Variants in ANO4 observed in about 807,000 individuals in gnomAD.
ANO4 encodes anoctamin 4.
A neutral mutation model predicts 141.9 loss-of-function variants in ANO4; 69 were observed. The ratio of observed to expected loss-of-function variants is 0.49; its 90% CI spans 0.40 to 0.59. ANO4 has a LOEUF of 0.59. ANO4 is among the 20% of genes least tolerant of loss of function. The pLI is 0.00. For missense variants in ANO4, 894 were observed against 1,162.2 expected, an observed-to-expected ratio of 0.77 and a Z score of 3.36; for synonymous variants, 350 against 394.3, an observed-to-expected ratio of 0.89 and a Z score of 1.33.
chr12:100,899,181 G>T (rs1157377876), intron 1 of ANO4, among the ~76,000 whole-genome samples: 1 of 152,206 alleles, frequency 6.6e-6, no homozygotes, highest in African/African-American at 2.4e-5. Flanking sequence ...CAGCCTGACA[G>T]TCCTAACCTG....
At chr12:101,068,465 T>C (rs878972518) in intron 14 of ANO4, 8 of 933,882 alleles carry the variant, frequency 8.6e-6, no homozygotes, top group Admixed American at 1.7e-5. Context: ...CTTTCTTTAG[T>C]GGCTTTCTTC....
intron 1 of ANO4, among the ~76,000 whole-genome samples, chr12:100,860,121 A>G (rs2038393815): frequency 6.6e-6 from 1 of 152,138 alleles, no homozygotes; most frequent in Non-Finnish European, 1.5e-5. Context: ...TTAAAGCCTT[A>G]CTTAAGGAAG....
intron 25 of ANO4, 124 bp downstream of exon 25, chr12:101,116,922 A>G: frequency 2.3e-6 from 3 of 1,282,168 alleles, no homozygotes; most frequent in East Asian, 2.4e-5. Flanking sequence ...TCAACAGTGC[A>G]TTAAAAGCAC....
chr12:101,034,353 C>G (rs1411608448), intron 9 of ANO4, among the ~76,000 whole-genome samples: 1 of 152,130 alleles, frequency 6.6e-6, no homozygotes, highest in African/African-American at 2.4e-5. Context: ...ATGTATGAAG[C>G]TGGATACCAT....
chr12:100,718,376 C>G (rs1319081231), intron 1 of ANO4, among the ~76,000 whole-genome samples: 1 of 152,208 alleles, frequency 6.6e-6, no homozygotes, highest in Admixed American at 6.5e-5. Context: ...ACCTCCCTCC[C>G]TTCCTCTTGC....
chr12:100,990,612 A>G (rs1010859133), intron 8 of ANO4, among the ~76,000 whole-genome samples: 1 of 152,208 alleles, frequency 6.6e-6, no homozygotes, highest in African/African-American at 2.4e-5. Context: ...TACAGAGGGT[A>G]TAAAGATAAA....
At chr12:100,883,755 T>C (rs78312928) in intron 1 of ANO4, among the ~76,000 whole-genome samples, 1,970 of 152,316 alleles carry the variant, frequency 0.013, 22 homozygotes, top group Middle Eastern at 0.034. Flanking sequence ...CTTTCAGCAG[T>C]AGGAAGCAAT....
intron 2 of ANO4, among the ~76,000 whole-genome samples, chr12:100,920,983 T>A (rs886575799): frequency 6.6e-6 from 1 of 152,130 alleles, no homozygotes; most frequent in Non-Finnish European, 1.5e-5. Flanking sequence ...AGGAGGAAAC[T>A]AAAATTTAGA....
chr12:100,880,416 G>A (rs934769128), intron 1 of ANO4, among the ~76,000 whole-genome samples: 49 of 152,158 alleles, frequency 3.2e-4, no homozygotes, highest in Non-Finnish European at 5.6e-4. Context: ...GACAGATGAG[G>A]AGATTGAAGC....
rs535734069 is a variant in ANO4, at chr12:100,726,960, A to ACC, written c.23-6807_23-6806dup. Among the ~76,000 whole-genome samples, 1,199 of 141,718 alleles carry ACC rather than the reference A, an allele frequency of 8.5e-3. 6 individuals carry two copies. The highest frequency in any genetic ancestry group is 0.013 in the African/African-American group (483 of 38,420). 93.0% of individuals were successfully genotyped at this position (141,718 alleles called of 152,430 possible). ...AATAATATTTAATAGTTGCCCCGGG[A>ACC]CCCCCCCCGCCCATTCCCTAAAAAG... On this transcript the variant is annotated intron_variant, in intron 1 of 29. Transcript: ENST00000644049.
At position 101,085,764 on chromosome 12, in the gene ANO4, G is replaced by A. The variant is rs75224366; in HGVS notation, c.1537-896G>A. Among the ~76,000 whole-genome samples the A allele has an allele frequency of 6.0e-3, 908 of 152,254 alleles. 5 individuals carry two copies. The highest frequency in any genetic ancestry group is 0.019 in the African/African-American group (783 of 41,566). ...GATTAACAAGATATGTACCTATCAC[G>A]TAGTTGGTTCACTCAACAGCAAATA... On this transcript the variant is annotated intron_variant, in intron 16 of 27. Transcript: ENST00000392977.
At chr12:101,080,999 A>C (rs984109732) in intron 15 of ANO4, among the ~76,000 whole-genome samples, 7 of 131,872 alleles carry the variant, frequency 5.3e-5, no homozygotes, top group African/African-American at 2.0e-4. Context: ...TAGAAAAAAA[A>C]TATACATATA....
chr12:100,849,171 G>C (rs2037738254), intron 1 of ANO4, among the ~76,000 whole-genome samples: 1 of 152,082 alleles, frequency 6.6e-6, no homozygotes. Flanking sequence ...TTCTGAGCTG[G>C]AAAACATTTG....
chr12:101,101,303 G>T (rs1463747933), intron 22 of ANO4, among the ~76,000 whole-genome samples: 1 of 152,008 alleles, frequency 6.6e-6, no homozygotes, highest in African/African-American at 2.4e-5. Context: ...TTTGTAGTTG[G>T]CTTGTTTCAT....
intron 3 of ANO4, among the ~76,000 whole-genome samples, chr12:100,934,697 A>G (rs1456318632): frequency 6.6e-6 from 1 of 152,116 alleles, no homozygotes; most frequent in Admixed American, 6.5e-5. Flanking sequence ...GGCCATTTTC[A>G]TGATATTGAC....
At chr12:100,844,765 G>T (rs941651324) in intron 1 of ANO4, among the ~76,000 whole-genome samples, 1 of 94,250 alleles carries the variant, frequency 1.1e-5, no homozygotes, top group Non-Finnish European at 2.4e-5. Context: ...CCACGTGGAG[G>T]TATAAAATAG....
Position 100,724,758 on chromosome 12 carries a change from G to A in ANO4, c.22+7211G>A, listed in dbSNP as rs80211651. 7.1e-3 allele frequency among the ~76,000 whole-genome samples: 1,085 copies of A among 152,264 alleles called. 19 individuals are homozygous for A. Among genetic ancestry groups the A allele is most frequent in the African/African-American group, 0.025 (1,051 of 41,522 alleles). ...CAGTCACAACAAAAAGAAAGTCCAG[G>A]CCCAGGGAGGTTAGGTGAGGAGATA... On this transcript the variant is annotated intron_variant, in intron 1 of 29. Transcript: ENST00000644049.
intron 2 of ANO4, among the ~76,000 whole-genome samples, chr12:100,903,016 C>T (rs1381524180): frequency 6.6e-6 from 1 of 152,156 alleles, no homozygotes; most frequent in East Asian, 1.9e-4. Context: ...AACACTGTAC[C>T]CTTTTCCCTC....
intron 1 of ANO4, among the ~76,000 whole-genome samples, chr12:100,847,489 T>TTTTTTTTG (rs2037628048): frequency 1.4e-5 from 2 of 141,088 alleles, no homozygotes. Flanking sequence ...TTTTTTTTTT[T>TTTTTTTTG]GAGGTGGAGT....
Sources: gnomAD v4.1 joint callset for allele counts (sites outside exome capture counted in the v4.1 genomes callset) on GRCh38, gnomAD v4.1.1 for gene constraint, MANE v1.5 for transcripts, NCBI Gene and HGNC (gene_info 2026-07-23, HGNC 2026-07-21) for gene names.